Variants in USH2A observed in about 807,000 individuals in gnomAD.
USH2A encodes the protein usherin.
USH2A carries 443 observed loss-of-function variants against 538.9 expected under a neutral mutation model. The ratio of observed to expected loss-of-function variants is 0.82; its 90% CI spans 0.76 to 0.89. The LOEUF (loss-of-function observed/expected upper bound fraction) is 0.89. USH2A is among the 40% of genes least tolerant of loss of function. The pLI is 0.00. For synonymous variants in USH2A, 2,413 were observed against 2,273.5 expected (o/e 1.06, Z -1.75); for missense variants, 6,633 against 6,324.8 (o/e 1.05, Z -1.65).
At chr1:216,181,704 G>C (rs2034497364) in intron 20 of USH2A, among the ~76,000 whole-genome samples, 1 of 152,070 alleles carries the variant, frequency 6.6e-6, no homozygotes. Flanking sequence ...TAGTTGCTCA[G>C]ACTGTAATTA....
At chr1:216,174,745 T>C in intron 21 of USH2A, 2 of 995,480 alleles carry the variant, frequency 2.0e-6, no homozygotes, top group Non-Finnish European at 2.4e-6. Flanking sequence ...GTTGTCACAG[T>C]GAAAAAAAGA....
intron 44 of USH2A, among the ~76,000 whole-genome samples, chr1:215,862,120 G>A (rs545841585): frequency 2.6e-5 from 4 of 152,248 alleles, no homozygotes; most frequent in South Asian, 2.1e-4. Flanking sequence ...TTACAGGCAT[G>A]AGCCATGGAA....
intron 51 of USH2A, among the ~76,000 whole-genome samples, chr1:215,789,540 C>T (rs1661913227): frequency 6.6e-6 from 1 of 152,138 alleles, no homozygotes; most frequent in South Asian, 2.1e-4. Context: ...AAAACATAAG[C>T]GATTACACCC....
chr1:216,357,396 A>G (rs2038409788), intron 4 of USH2A, among the ~76,000 whole-genome samples: 1 of 152,102 alleles, frequency 6.6e-6, no homozygotes, highest in South Asian at 2.1e-4. Flanking sequence ...GCATGATTTC[A>G]GCTGAACTAA....
At chr1:215,909,371 A>C (rs897658419) in intron 38 of USH2A, among the ~76,000 whole-genome samples, 6 of 151,934 alleles carry the variant, frequency 3.9e-5, no homozygotes, top group African/African-American at 7.2e-5. Flanking sequence ...AATGGTAAGT[A>C]CATGTCATTA....
chr1:215,886,862 T>G (rs1470161850), intron 41 of USH2A, among the ~76,000 whole-genome samples: 1 of 151,404 alleles, frequency 6.6e-6, no homozygotes, highest in Admixed American at 6.6e-5. Flanking sequence ...AAATACTTAT[T>G]TTTTTTTTCT....
At chr1:216,048,384 A>C (rs760014991) in intron 31 of USH2A, 150 bp downstream of exon 31, 60 of 782,966 alleles carry the variant, frequency 7.7e-5, no homozygotes, top group African/African-American at 2.0e-4. Flanking sequence ...GCACCCCCCC[A>C]AAAAATGGAG....
chr1:216,307,661 G>A (rs2037343592), intron 9 of USH2A, among the ~76,000 whole-genome samples: 1 of 152,142 alleles, frequency 6.6e-6, no homozygotes, highest in South Asian at 2.1e-4. Flanking sequence ...TTCTCCTTGT[G>A]GTCTTTCCCC....
At chr1:215,848,318 C>G (rs1453559531) in intron 44 of USH2A, among the ~76,000 whole-genome samples, 1 of 152,168 alleles carries the variant, frequency 6.6e-6, no homozygotes, top group Non-Finnish European at 1.5e-5. Context: ...ATTATAAAGT[C>G]AAGCCCTAAA....
rs563274459 is a variant in USH2A at position 216,050,177 on chromosome 1, C to T, written c.6050-1530G>A. ...AAAAGCAAGCTAACATTATCACATGCACATCTTCATAATGGAGTAGTGGGG... is the reference window on the plus strand; with the variant it reads ...AAAAGCAAGCTAACATTATCACATGTACATCTTCATAATGGAGTAGTGGGG... On this transcript the variant is annotated intron_variant, in intron 30 of 71. Transcript: ENST00000307340. Among the ~76,000 whole-genome samples the T allele has an allele frequency of 8.5e-5, 13 of 152,316 alleles. No homozygotes were observed. In the East Asian group the frequency reaches 2.5e-3, roughly 29 times the overall value.
intron 4 of USH2A, among the ~76,000 whole-genome samples, chr1:216,343,445 C>T (rs2038114995): frequency 6.8e-6 from 1 of 147,310 alleles, no homozygotes; most frequent in South Asian, 2.1e-4. Flanking sequence ...TAGGCTATGA[C>T]AGGAGGATTA....
chr1:216,259,846 A>C (rs1316729993), intron 11 of USH2A, among the ~76,000 whole-genome samples: 1 of 152,084 alleles, frequency 6.6e-6, no homozygotes, highest in Non-Finnish European at 1.5e-5. Context: ...TAAAACCCAT[A>C]ATTTTAATGA....
chr1:216,405,286 A>C (rs757103734), intron 3 of USH2A, among the ~76,000 whole-genome samples: 1 of 152,230 alleles, frequency 6.6e-6, no homozygotes, highest in Non-Finnish European at 1.5e-5. Context: ...AAAGATTGAT[A>C]AATTGGACCT....
intron 58 of USH2A, among the ~76,000 whole-genome samples, chr1:215,753,364 A>G (rs1194955776): frequency 6.6e-6 from 1 of 152,168 alleles, no homozygotes; most frequent in East Asian, 1.9e-4. Context: ...ACGCACATGT[A>G]TGTTTATTGC....
intron 61 of USH2A, among the ~76,000 whole-genome samples, chr1:215,701,600 G>A (rs1659018359): frequency 6.6e-6 from 1 of 152,016 alleles, no homozygotes; most frequent in African/African-American, 2.4e-5. Context: ...TTTGATCTTT[G>A]TTGGTTTAAA....
At chr1:216,377,823 GAA>G (rs1171963155) in intron 3 of USH2A, among the ~76,000 whole-genome samples, 3 of 34,446 alleles carry the variant, frequency 8.7e-5, no homozygotes, top group Non-Finnish European at 2.1e-4. Context: ...AAGAAAGAAA[GAA>G]AGAAAGAAAG....
At chr1:216,163,788 T>C (rs2034114586) in intron 21 of USH2A, among the ~76,000 whole-genome samples, 1 of 151,934 alleles carries the variant, frequency 6.6e-6, no homozygotes, top group Admixed American at 6.6e-5. Context: ...GCCTGTCTTT[T>C]TTTTTTCCCT....
intron 35 of USH2A, 73 bp from the exon 36 acceptor site, chr1:215,970,849 T>C: frequency 7.0e-7 from 1 of 1,434,174 alleles, no homozygotes; most frequent in Admixed American, 1.7e-5. Context: ...AAGCAAGCAC[T>C]CTTGATGTGA....
rs2035136784 is a variant in USH2A at position 216,207,333 on chromosome 1, T to C, written c.3256A>G (p.Thr1086Ala). 6.2e-7 allele frequency: 1 copy of C among 1,613,886 alleles called. No homozygotes were observed. The highest frequency in any genetic ancestry group is 2.2e-5 in the East Asian group (1 of 44,834). The change falls in exon 16 of 72, where the codon ACT becomes GCT. Residue 1086 changes from threonine to alanine, a missense_variant. Transcript: ENST00000307340. ...PPDSPNAHWL[T>A]YSLLRDGFEI... The stretch of plus-strand genomic sequence containing the variant: ...AAACCATCCCTGAGTAAACTGTAAG[T>C]AAGCCAGTGGGCATTTGGAGAATCA...
Sources: gnomAD v4.1 joint callset for allele counts (sites outside exome capture counted in the v4.1 genomes callset) on GRCh38, gnomAD v4.1.1 for gene constraint, MANE v1.5 for transcripts, NCBI Gene and HGNC (gene_info 2026-07-23, HGNC 2026-07-21) for gene names.